DLGAP1: variants seen among roughly 807,000 people sequenced by gnomAD.
The protein encoded by DLGAP1 is DLG associated protein 1, also known as disks large-associated protein 1.
In DLGAP1, 11 loss-of-function variants were observed where a neutral mutation model predicts 90.8. That is an observed-to-expected ratio of 0.12 (90% CI 0.08 to 0.20). The LOEUF is 0.20. Among genes scored for constraint, DLGAP1 ranks in the 10% least tolerant of loss-of-function variants. The pLI is 1.00. For missense variants in DLGAP1, 1,050 were observed against 1,333.8 expected (o/e 0.79, Z 3.31); for synonymous variants, 558 against 540.7 (o/e 1.03, Z -0.44).
intron 3 of DLGAP1, among the ~76,000 whole-genome samples, chr18:3,947,024 A>T (rs531281097): frequency 6.6e-6 from 1 of 152,154 alleles, no homozygotes; most frequent in Non-Finnish European, 1.5e-5. Context: ...ATGGGTGTTC[A>T]ACAGTAATGA....
chr18:3,879,403 C>A lies in DLGAP1; in HGVS notation c.666G>T (p.Met222Ile), dbSNP rs747658372. ...AGCGGTCGGGGCACCTGCCCATGGT[C>A]ATCACGCCCGAGGGGGCGTGGTAGA... ...MCIYHAPSGV[M>I]TMGRCPDRSA... The change falls in exon 4 of 13, where the codon ATG becomes ATT. Residue 222 changes from methionine (M) to isoleucine (I), a missense_variant. By Grantham distance (10) the Met-to-Ile change is conservative. Coordinates refer to ENST00000315677, the MANE Select transcript of DLGAP1 (RefSeq NM_004746.4). This position sits in a 1 kb window ranked among gnomAD's most constrained non-coding sequence, Gnocchi z 6.6. The A allele has an allele frequency of 8.7e-6, 14 of 1,612,436 alleles. No individual in the cohort carries two copies. In the Admixed American group the frequency reaches 2.3e-4, roughly 27 times the overall value.
At chr18:4,043,200 TAC>T (rs1389829807) in intron 2 of DLGAP1, among the ~76,000 whole-genome samples, 1 of 152,236 alleles carries the variant, frequency 6.6e-6, no homozygotes, top group Non-Finnish European at 1.5e-5. Context: ...ATAATTTCTA[TAC>T]TCAGTATAGG....
chr18:3,656,036 G>A, intron 7 of DLGAP1: 1 of 1,515,214 alleles, frequency 6.6e-7, no homozygotes, highest in African/African-American at 1.4e-5. Flanking sequence ...GCCACGCTAT[G>A]CAACCTTTAA....
intron 1 of DLGAP1, among the ~76,000 whole-genome samples, chr18:4,204,897 T>C (rs2077689891): frequency 6.6e-6 from 1 of 151,470 alleles, no homozygotes; most frequent in African/African-American, 2.4e-5. Flanking sequence ...TTTTTTGTGG[T>C]TTGTTTTCTT....
chr18:3,978,442 G>A, intron 3 of DLGAP1: 1 of 296,500 alleles, frequency 3.4e-6, no homozygotes, highest in Non-Finnish European at 6.7e-6. Context: ...TCTTGACAGT[G>A]CTGTGGAATT....
intron 2 of DLGAP1, among the ~76,000 whole-genome samples, chr18:4,141,678 A>C (rs2076497539): frequency 6.6e-6 from 1 of 151,560 alleles, no homozygotes; most frequent in Non-Finnish European, 1.5e-5. Context: ...GTCCTTTCTG[A>C]CTGTCTATTT....
chr18:4,323,874 G>C (rs905068845), intron 1 of DLGAP1, among the ~76,000 whole-genome samples: 1 of 152,136 alleles, frequency 6.6e-6, no homozygotes, highest in Non-Finnish European at 1.5e-5. Context: ...AGCTAAGGCA[G>C]TGTTAACAAC....
intron 7 of DLGAP1, among the ~76,000 whole-genome samples, chr18:3,716,284 C>G (rs567549233): frequency 2.5e-4 from 38 of 152,348 alleles, no homozygotes; most frequent in Non-Finnish European, 4.0e-4. Flanking sequence ...TATGGTGGCT[C>G]ATTCCTGTAA....
chr18:3,892,406 C>T (rs1203870101), intron 3 of DLGAP1, among the ~76,000 whole-genome samples: 1 of 152,166 alleles, frequency 6.6e-6, no homozygotes, highest in Non-Finnish European at 1.5e-5. Flanking sequence ...TGTATTCTTC[C>T]CCACATGCCA....
chr18:3,499,299 C>T lies in DLGAP1; in HGVS notation c.2820G>A (p.Glu940=), dbSNP rs749175956. The part of the protein sequence containing the change: ...ERSLESSQRQ[E]ARKRLMAAKR... The stretch of plus-strand genomic sequence containing the variant: ...TGGCGGCCATCAGGCGCTTGCGGGC[C>T]TCCTGGCGCTGCGAGCTCTCCAGCG... Residue 940 remains glutamate, a synonymous_variant, in exon 13 of 13, where the codon GAG becomes GAA. Transcript: ENST00000315677. This position sits in a 1 kb window ranked among gnomAD's most constrained non-coding sequence, Gnocchi z 6.4. 3 of 1,584,802 alleles carry T rather than the reference C, an allele frequency of 1.9e-6. No individual in the cohort carries two copies. Among genetic ancestry groups the T allele is most frequent in the South Asian group, 2.3e-5 (2 of 87,504 alleles).
intron 1 of DLGAP1, among the ~76,000 whole-genome samples, chr18:4,195,798 C>A (rs1212842046): frequency 6.6e-6 from 1 of 152,116 alleles, no homozygotes; most frequent in African/African-American, 2.4e-5. Context: ...GGTGACTCAC[C>A]CACCTTGGCC....
intron 4 of DLGAP1, among the ~76,000 whole-genome samples, chr18:3,822,320 T>C (rs114804925): frequency 0.013 from 2,024 of 152,328 alleles, 56 homozygotes; most frequent in African/African-American, 0.047. Context: ...TAAACAGTGA[T>C]ACATACGGTA....
intron 5 of DLGAP1, among the ~76,000 whole-genome samples, chr18:3,792,986 G>T (rs1422199014): frequency 6.6e-6 from 1 of 152,124 alleles, no homozygotes; most frequent in Non-Finnish European, 1.5e-5. Flanking sequence ...CCATTGAGCC[G>T]CTGGGCCTGT....
chr18:3,819,086 C>A (rs763581647), intron 4 of DLGAP1, among the ~76,000 whole-genome samples: 7 of 151,544 alleles, frequency 4.6e-5, no homozygotes, highest in Non-Finnish European at 7.4e-5. Context: ...CCGAGACGGG[C>A]AGATCATGAG....
chr18:4,021,231 T>A (rs112484142), intron 2 of DLGAP1, among the ~76,000 whole-genome samples: 1 of 152,158 alleles, frequency 6.6e-6, no homozygotes, highest in Non-Finnish European at 1.5e-5. Flanking sequence ...ATCGGCTCTG[T>A]CTAGGCAGCA....
intron 1 of DLGAP1, among the ~76,000 whole-genome samples, chr18:4,444,738 G>T (rs2083619407): frequency 6.6e-6 from 1 of 152,096 alleles, no homozygotes; most frequent in Non-Finnish European, 1.5e-5. Flanking sequence ...TGGCAGATCG[G>T]TTTTTGCAGA....
intron 5 of DLGAP1, among the ~76,000 whole-genome samples, chr18:3,743,540 G>A (rs558138330): frequency 6.6e-6 from 1 of 152,000 alleles, no homozygotes; most frequent in South Asian, 2.1e-4. Context: ...ATTTTTAGTA[G>A]AGACGGGGTT....
chr18:3,992,148 G>T (rs753202556), intron 3 of DLGAP1, among the ~76,000 whole-genome samples: 2 of 152,030 alleles, frequency 1.3e-5, no homozygotes, highest in Non-Finnish European at 2.9e-5. Context: ...TACTTAGTTT[G>T]CCTCATTATA....
chr18:4,357,350 C>T (rs1381548725), intron 1 of DLGAP1, among the ~76,000 whole-genome samples: 1 of 151,838 alleles, frequency 6.6e-6, no homozygotes, highest in Admixed American at 6.6e-5. Flanking sequence ...GATGGGGTTT[C>T]ACCATTTTAA....
Sources: gnomAD v4.1 joint callset for allele counts (sites outside exome capture counted in the v4.1 genomes callset) on GRCh38, gnomAD v4.1.1 for gene constraint, Gnocchi (gnomAD v3.1) non-coding constraint, MANE v1.5 for transcripts, NCBI Gene and HGNC (gene_info 2026-07-23, HGNC 2026-07-21) for gene names.